SLC41A3: variants seen among roughly 807,000 people sequenced by gnomAD.
The protein encoded by SLC41A3 is solute carrier family 41 member 3.
SLC41A3 carries 44 observed loss-of-function variants against 45.4 expected under a neutral mutation model. That is an observed-to-expected ratio of 0.97 (90% confidence interval 0.76 to 1.25). The LOEUF is 1.25. Ranked by LOEUF, SLC41A3 falls within the 50% of genes most tolerant of loss-of-function variation. The probability of loss-of-function intolerance (pLI) is 0.00; values close to 1 mark genes in which losing one functional copy is unlikely to be tolerated. For synonymous variants in SLC41A3, 256 were observed against 252.4 expected, an observed-to-expected ratio of 1.01 and a Z score of -0.13; for missense variants, 550 against 600.6, an observed-to-expected ratio of 0.92 and a Z score of 0.88.
intron 1 of SLC41A3, among the ~76,000 whole-genome samples, chr3:126,074,566 A>G (rs1171536614): frequency 6.6e-6 from 1 of 152,174 alleles, no homozygotes; most frequent in Non-Finnish European, 1.5e-5. Context: ...CACACAAACT[A>G]TTACAGCCAG....
At chr3:126,056,588 G>A (rs769147673) in intron 2 of SLC41A3, 2 of 1,595,780 alleles carry the variant, frequency 1.3e-6, no homozygotes, top group South Asian at 2.3e-5. Context: ...GGAGCACGAA[G>A]TCAGAGCCTG....
chr3:126,056,367 G>A (rs1281820309), intron 2 of SLC41A3: 1 of 1,614,030 alleles, frequency 6.2e-7, no homozygotes, highest in Non-Finnish European at 8.5e-7. Flanking sequence ...CTTGAATGGT[G>A]TTCATCACCA....
intron 1 of SLC41A3, among the ~76,000 whole-genome samples, chr3:126,097,524 AAT>A (rs1945627652): frequency 6.6e-6 from 1 of 152,112 alleles, no homozygotes; most frequent in Non-Finnish European, 1.5e-5. Flanking sequence ...TAACACATTC[AAT>A]TGGTTGGGAG....
At chr3:126,095,170 T>C in intron 1 of SLC41A3, 1 of 681,776 alleles carries the variant, frequency 1.5e-6, no homozygotes, top group Non-Finnish European at 2.7e-6. Flanking sequence ...GGGTAGAGGT[T>C]ATGCTTATGT....
chr3:126,029,782 T>C (rs1455408472), intron 4 of SLC41A3, among the ~76,000 whole-genome samples: 1 of 152,144 alleles, frequency 6.6e-6, no homozygotes, highest in Admixed American at 6.5e-5. Context: ...ATACTCATGA[T>C]CAAAGTGTAT....
chr3:126,054,713 T>C (rs1295311949), intron 2 of SLC41A3, among the ~76,000 whole-genome samples: 2 of 151,912 alleles, frequency 1.3e-5, no homozygotes, highest in Admixed American at 1.3e-4. Flanking sequence ...CCCTGGCCCC[T>C]AGGAAGAATG....
chr3:126,059,263 G>GAAGAAAGAAAGAAAGA (rs1553740748), intron 2 of SLC41A3, among the ~76,000 whole-genome samples: 1 of 11,742 alleles, frequency 8.5e-5, no homozygotes, highest in Admixed American at 1.1e-3. Context: ...AAGAAAGAAA[G>GAAGAAAGAAAGAAAGA]AAGAAAGAAA....
In SLC41A3 at chr3:126,067,978, G is replaced by A. The variant is rs1269270460; in HGVS notation, c.242C>T (p.Ser81Phe). The A allele has an allele frequency of 1.9e-6, 3 of 1,612,730 alleles. No individual in the cohort carries two copies. The highest frequency in any genetic ancestry group is 2.5e-6 in the Non-Finnish European group (3 of 1,179,490). ...ATAGTCCAGAAGCATGCCGGCCCAGGACAGTCCCAGGCCTGCAAACATGAA... is the reference window on the plus strand; with the variant it reads ...ATAGTCCAGAAGCATGCCGGCCCAGAACAGTCCCAGGCCTGCAAACATGAA... ...VPFMFAGLGL[S>F]WAGMLLDYFQ... Residue 81 changes from serine (S) to phenylalanine (F), a missense_variant, in exon 2 of 11, where the codon TCC becomes TTC. By Grantham distance (155) the Ser-to-Phe change is radical. Coordinates refer to ENST00000360370, the MANE Select transcript of SLC41A3 (RefSeq NM_017836.4).
intron 1 of SLC41A3, among the ~76,000 whole-genome samples, chr3:126,080,517 C>G (rs1352151457): frequency 6.6e-6 from 1 of 152,114 alleles, no homozygotes; most frequent in Non-Finnish European, 1.5e-5. Context: ...ATTATCCCAC[C>G]CCATTTTAAA....
chr3:126,063,757 C>A (rs1944195130), intron 2 of SLC41A3, among the ~76,000 whole-genome samples: 3 of 152,202 alleles, frequency 2.0e-5, no homozygotes, highest in Admixed American at 1.3e-4. Context: ...CCCTCATTTC[C>A]TTCTTGAAAT....
chr3:126,015,537 T>C lies in SLC41A3; in HGVS notation c.927A>G (p.Lys309=), dbSNP rs769910124. The part of the protein sequence containing the change: ...GGLILSKTVS[K]QQYKGMAIFT... ...ATATCGCCATGCCTTTGTACTGCTGTTTAGAAACGGTTTTGCTCAAGATGA... is the reference window on the plus strand; with the variant it reads ...ATATCGCCATGCCTTTGTACTGCTGCTTAGAAACGGTTTTGCTCAAGATGA... The change falls in exon 8 of 11, where the codon AAA becomes AAG. Residue 309 remains lysine, a synonymous_variant. Coordinates refer to ENST00000360370, the MANE Select transcript of SLC41A3 (RefSeq NM_017836.4). The C allele has an allele frequency of 8.7e-6, 14 of 1,614,204 alleles. No individual in the cohort carries two copies. Among genetic ancestry groups the C allele is most frequent in the East Asian group, 2.2e-5 (1 of 44,890 alleles).
intron 9 of SLC41A3, among the ~76,000 whole-genome samples, chr3:126,009,729 G>T (rs1939501051): frequency 2.0e-5 from 3 of 152,180 alleles, no homozygotes; most frequent in Admixed American, 2.0e-4. Flanking sequence ...TGGAATAAAA[G>T]TATTATTTTA....
At chr3:126,084,218 C>G (rs1034153535), upstream of SLC41A3, 24 of 152,004 alleles carry the variant, frequency 1.6e-4, no homozygotes, top group African/African-American at 5.8e-4. Context: ...GGCCGGACCT[C>G]GGACGACTTG....
At chr3:126,035,269 G>T (rs570480532) in intron 3 of SLC41A3, among the ~76,000 whole-genome samples, 22 of 152,356 alleles carry the variant, frequency 1.4e-4, no homozygotes, top group Admixed American at 1.4e-3. Flanking sequence ...CATCCCTGTG[G>T]ATGCTGAAAC....
chr3:126,042,170 A>C (rs1942636349), intron 3 of SLC41A3, among the ~76,000 whole-genome samples: 1 of 152,216 alleles, frequency 6.6e-6, no homozygotes, highest in African/African-American at 2.4e-5. Context: ...CCAACATATT[A>C]GAGTTCTCAT....
intron 6 of SLC41A3, among the ~76,000 whole-genome samples, chr3:126,017,841 A>G (rs1940461559): frequency 6.6e-6 from 1 of 152,168 alleles, no homozygotes; most frequent in African/African-American, 2.4e-5. Context: ...CAGACTGGCT[A>G]CAGACAAGGT....
intron 3 of SLC41A3, among the ~76,000 whole-genome samples, chr3:126,045,514 G>C (rs1576298580): frequency 6.6e-6 from 1 of 152,080 alleles, no homozygotes; most frequent in Admixed American, 6.5e-5. Context: ...AAACACACTA[G>C]GCAGCCTAAT....
At chr3:126,018,741 C>A (rs1054112545) in intron 6 of SLC41A3, among the ~76,000 whole-genome samples, 2 of 152,206 alleles carry the variant, frequency 1.3e-5, no homozygotes, top group Non-Finnish European at 2.9e-5. Flanking sequence ...ATCAGTGTGG[C>A]CGACCAGCCT....
At chr3:126,045,198 C>G (rs1460944424) in intron 3 of SLC41A3, among the ~76,000 whole-genome samples, 1 of 150,900 alleles carries the variant, frequency 6.6e-6, no homozygotes, top group African/African-American at 2.4e-5. Flanking sequence ...CTCAAATAAA[C>G]CACCTAAACT....
Sources: gnomAD v4.1 joint callset for allele counts (sites outside exome capture counted in the v4.1 genomes callset) on GRCh38, gnomAD v4.1.1 for gene constraint, MANE v1.5 for transcripts, NCBI Gene and HGNC (gene_info 2026-07-23, HGNC 2026-07-21) for gene names.